Variants in CNTN6 observed in about 807,000 individuals in gnomAD.
The protein encoded by CNTN6 is contactin 6.
Under a neutral mutation model 122.8 loss-of-function variants are expected in CNTN6, and 137 were observed. The observed-to-expected ratio is 1.12, with a 90% CI of 0.97 to 1.29. CNTN6 has a LOEUF of 1.29. Among genes scored for constraint, CNTN6 ranks in the 50% most tolerant of loss-of-function variants. The pLI is 0.00. For missense variants in CNTN6, 1,634 were observed against 1,223.4 expected (o/e 1.34, Z -5.01); for synonymous variants, 570 against 426.0 (o/e 1.34, Z -4.16).
chr3:1,343,137 CATG>C (rs1704141660), intron 11 of CNTN6, among the ~76,000 whole-genome samples: 1 of 152,124 alleles, frequency 6.6e-6, no homozygotes, highest in Non-Finnish European at 1.5e-5. Context: ...TTCTTAGTAA[CATG>C]ATATCTTCTC....
chr3:1,306,791 G>A (rs1425034379), intron 7 of CNTN6, among the ~76,000 whole-genome samples: 1 of 152,126 alleles, frequency 6.6e-6, no homozygotes, highest in Non-Finnish European at 1.5e-5. Context: ...CTTTGACTGA[G>A]GAGGTAAAAA....
At chr3:1,327,969 G>A (rs1242522530) in intron 10 of CNTN6, among the ~76,000 whole-genome samples, 2 of 151,808 alleles carry the variant, frequency 1.3e-5, no homozygotes, top group African/African-American at 2.4e-5. Context: ...CTCTTAGCAA[G>A]AGGGGCATTG....
At chr3:1,150,967 G>T (rs2092829083) in intron 2 of CNTN6, among the ~76,000 whole-genome samples, 2 of 152,100 alleles carry the variant, frequency 1.3e-5, no homozygotes, top group South Asian at 4.1e-4. Context: ...TGAGCCATGG[G>T]GTGTGATGAA....
At chr3:1,280,531 C>T (rs1414371713) in intron 5 of CNTN6, among the ~76,000 whole-genome samples, 4 of 129,926 alleles carry the variant, frequency 3.1e-5, no homozygotes, top group Non-Finnish European at 6.2e-5. Context: ...GTGGCTCGAT[C>T]TTGGCTCACT....
At chr3:1,364,704 TA>T (rs1390019728) in intron 12 of CNTN6, among the ~76,000 whole-genome samples, 1 of 151,932 alleles carries the variant, frequency 6.6e-6, no homozygotes, top group Non-Finnish European at 1.5e-5. Flanking sequence ...GGTCCTGACA[TA>T]AGTTTTGATG....
In CNTN6 at chr3:1,373,756, G is replaced by A. The variant is rs773628380; in HGVS notation, c.1939G>A (p.Ala647Thr). 6.3e-7 allele frequency: 1 copy of A among 1,599,564 alleles called. No individual in the cohort carries two copies. The highest frequency in any genetic ancestry group is 1.1e-5 in the South Asian group (1 of 87,788). The part of the protein sequence containing the change: ...TPFSVGWQAV[A>T]TVPEILNGKT... The stretch of plus-strand genomic sequence containing the variant: ...ATTTTCTGTGGGTTGGCAGGCTGTT[G>A]CTACAGGTGAGTGACAAAAGTGTTT... Residue 647 changes from alanine to threonine, a missense_variant, in exon 15 of 23, where the codon GCT (alanine) becomes ACT (threonine). Ala to Thr is a moderately conservative substitution (Grantham distance 58, BLOSUM62 0). Coordinates refer to ENST00000446702, the MANE Select transcript of CNTN6 (RefSeq NM_001289080.2).
intron 5 of CNTN6, among the ~76,000 whole-genome samples, chr3:1,283,986 T>A (rs1370085545): frequency 6.6e-6 from 1 of 151,984 alleles, no homozygotes; most frequent in Non-Finnish European, 1.5e-5. Context: ...GGGACAAGAG[T>A]GAGATTTCAT....
In CNTN6 at chr3:1,231,571, T is replaced by G. The variant is rs183285302; in HGVS notation, c.358+3578T>G. Among the ~76,000 whole-genome samples the G allele has an allele frequency of 2.3e-3, 352 of 152,358 alleles. 1 individual carries two copies. The highest frequency in any genetic ancestry group is 3.1e-3 in the Non-Finnish European group (212 of 68,028). On this transcript the variant is annotated intron_variant, in intron 4 of 22. Coordinates refer to ENST00000446702, the MANE Select transcript of CNTN6 (RefSeq NM_001289080.2). ...TGCTTCATTATGAATCGTCTCATCA[T>G]GAAACCATCCTGAAATGTGGCCTGT... is the stretch of plus-strand genomic sequence containing the variant.
At chr3:1,147,831 T>A in intron 1 of CNTN6, 96 bp from the exon 2 acceptor site, 1 of 473,416 alleles carries the variant, frequency 2.1e-6, no homozygotes. Flanking sequence ...GATAATAATA[T>A]TAATATTAAA....
intron 5 of CNTN6, among the ~76,000 whole-genome samples, chr3:1,287,152 G>C (rs1267747011): frequency 1.3e-5 from 2 of 152,084 alleles, no homozygotes; most frequent in Non-Finnish European, 2.9e-5. Flanking sequence ...GTCAATATTA[G>C]ATCAACAAGA....
rs114924117 is a variant in CNTN6, at chr3:1,280,999, T to C, written c.454+2491T>C. On this transcript the variant is annotated intron_variant, in intron 5 of 22. Coordinates refer to ENST00000446702, the MANE Select transcript of CNTN6 (RefSeq NM_001289080.2). The stretch of plus-strand genomic sequence containing the variant: ...CCTCGAACATTTCAAATTTCTTTAG[T>C]CAGGAAGAGCCCCATCTCTTGTGAG... Among the ~76,000 whole-genome samples the C allele has an allele frequency of 4.8e-3, 732 of 152,288 alleles. 6 individuals carry two copies. Among genetic ancestry groups the C allele is most frequent in the African/African-American group, 0.017 (700 of 41,564 alleles).
intron 4 of CNTN6, among the ~76,000 whole-genome samples, chr3:1,256,398 T>C (rs910179093): frequency 3.3e-5 from 5 of 152,116 alleles, no homozygotes; most frequent in African/African-American, 1.2e-4. Flanking sequence ...ATGTGGGTTT[T>C]GAGAAAGAGG....
intron 11 of CNTN6, among the ~76,000 whole-genome samples, chr3:1,345,652 TTAATC>T (rs931583123): frequency 2.6e-5 from 4 of 152,290 alleles, no homozygotes; most frequent in South Asian, 2.1e-4. Context: ...ATATTAATAT[TTAATC>T]TAAAACAGAT....
At chr3:1,315,925 A>G (rs1700040366) in intron 7 of CNTN6, among the ~76,000 whole-genome samples, 1 of 151,784 alleles carries the variant, frequency 6.6e-6, no homozygotes, top group African/African-American at 2.4e-5. Context: ...TCAGTGTATA[A>G]ATGATTCGTA....
intron 2 of CNTN6, among the ~76,000 whole-genome samples, chr3:1,213,150 C>T (rs1307194732): frequency 2.0e-5 from 3 of 152,118 alleles, no homozygotes; most frequent in East Asian, 3.9e-4. Context: ...TAATCATTCT[C>T]ACAAGTATAA....
At position 1,346,733 on chromosome 3, in the gene CNTN6, C is replaced by T. The variant is rs115796535; in HGVS notation, c.1365-5591C>T. Among the ~76,000 whole-genome samples the T allele has an allele frequency of 4.5e-3, 680 of 152,066 alleles. 6 individuals are homozygous for T. The highest frequency in any genetic ancestry group is 0.015 in the African/African-American group (628 of 41,488). ...AGCAACACTAAATGGACTAAGACAC[C>T]GGAAAAACGAGGGTAAAATATTCCG... is the stretch of plus-strand genomic sequence containing the variant. On this transcript the variant is annotated intron_variant, in intron 11 of 22. Transcript: ENST00000446702.
At chr3:1,146,403 C>T (rs960145364) in intron 1 of CNTN6, among the ~76,000 whole-genome samples, 2 of 152,052 alleles carry the variant, frequency 1.3e-5, no homozygotes, top group Non-Finnish European at 2.9e-5. Context: ...CTCATCCTTC[C>T]TTCATACCTA....
chr3:1,342,013 C>G (rs1477318863), intron 11 of CNTN6, among the ~76,000 whole-genome samples: 1 of 152,094 alleles, frequency 6.6e-6, no homozygotes, highest in Admixed American at 6.6e-5. Context: ...CTTGAAAAAT[C>G]AGTTAATGGG....
At chr3:1,264,165 T>G (rs2094890748) in intron 4 of CNTN6, among the ~76,000 whole-genome samples, 1 of 152,104 alleles carries the variant, frequency 6.6e-6, no homozygotes. Flanking sequence ...TTTCTCTGGG[T>G]TGACTGATCA....
Sources: allele counts gnomAD v4.1 joint callset (sites outside exome capture counted in the v4.1 genomes callset), GRCh38; gene constraint gnomAD v4.1.1; transcripts MANE v1.5; gene names NCBI Gene and HGNC (gene_info 2026-07-23, HGNC 2026-07-21).